Variants in DNAH5 observed in about 807,000 individuals in gnomAD.
DNAH5 encodes the protein axonemal beta dynein heavy chain 5.
Under a neutral mutation model 518.2 loss-of-function variants are expected in DNAH5, and 372 were observed. The ratio of observed to expected loss-of-function variants is 0.72; its 90% CI spans 0.66 to 0.78. DNAH5 has a LOEUF of 0.78. Among genes scored for constraint, DNAH5 ranks in the 30% least tolerant of loss-of-function variants. The probability of loss-of-function intolerance (pLI) is 0.00; values close to 1 mark genes in which losing one functional copy is unlikely to be tolerated. For missense variants in DNAH5, 5,523 were observed against 5,687.0 expected, an observed-to-expected ratio of 0.97 and a Z score of 0.93; for synonymous variants, 2,039 against 2,025.9, an observed-to-expected ratio of 1.01 and a Z score of -0.17.
At chr5:13,838,344 G>A (rs1441570537) in intron 35 of DNAH5, among the ~76,000 whole-genome samples, 1 of 152,176 alleles carries the variant, frequency 6.6e-6, no homozygotes, top group East Asian at 1.9e-4. Context: ...CACACAGCAG[G>A]AGGTGGGCGG....
At chr5:13,887,193 G>A (rs1033755074) in intron 17 of DNAH5, among the ~76,000 whole-genome samples, 1 of 152,118 alleles carries the variant, frequency 6.6e-6, no homozygotes, top group Non-Finnish European at 1.5e-5. Context: ...AGCTCTTTCA[G>A]TCCTCTCAGT....
In DNAH5 at chr5:13,859,585, G is replaced by A. The variant is rs775971265; in HGVS notation, c.4817C>T (p.Ala1606Val). 3.1e-6 allele frequency: 5 copies of A among 1,613,952 alleles called. No individual in the cohort carries two copies. The highest frequency in any genetic ancestry group is 1.1e-5 in the South Asian group (1 of 91,070). The change falls in exon 30 of 79, where the codon GCC becomes GTC. Residue 1606 changes from alanine to valine, a missense_variant. Transcript: ENST00000265104. The part of the protein sequence containing the change: ...LSNRYNMPFK[A>V]QIQKWVQYLS... Reference sequence around the variant, plus strand: ...GTACTGCACCCATTTTTGAATCTGGGCTTTGAATGGCATATTGTACCTAAA... The same window carrying A: ...GTACTGCACCCATTTTTGAATCTGGACTTTGAATGGCATATTGTACCTAAA...
In DNAH5 at chr5:13,902,053, C is replaced by G. The variant is rs397515541; in HGVS notation, c.1730G>C (p.Arg577Thr). The change falls in exon 13 of 79, where the codon AGA (arginine) becomes ACA (threonine). Residue 577 changes from arginine (R) to threonine (T), a missense_variant and splice_region_variant. Arg to Thr is a moderately conservative substitution (Grantham distance 71). This residue lies in a region of DNAH5 where 5,121 missense variants were observed against 5,223.3 expected (regional missense o/e 0.98). Coordinates refer to ENST00000265104, the MANE Select transcript of DNAH5 (RefSeq NM_001369.3). ...ATAGACAATTTCTTGAAAATTTTAC[C>G]TTTCAAATTTCTTCAACATTCTTAG... ...QALRMLKKFE[R>T]LNIPNLGIDD... The G allele has an allele frequency of 3.6e-5, 57 of 1,587,338 alleles. No homozygotes were observed. The highest frequency in any genetic ancestry group is 4.8e-5 in the Non-Finnish European group (56 of 1,160,972).
In DNAH5 at chr5:13,832,085, C is replaced by T. The variant is rs546896644; in HGVS notation, c.5883-1310G>A. Reference sequence around the variant, plus strand: ...CAATGAAATAATCTATATAACAAACCTCTATGACACAAGTTTACCTATGTA... The same window carrying T: ...CAATGAAATAATCTATATAACAAACTTCTATGACACAAGTTTACCTATGTA... On this transcript the variant is annotated intron_variant, in intron 35 of 78. Transcript: ENST00000265104. Among the ~76,000 whole-genome samples, 9 of 152,128 alleles carry T rather than the reference C, an allele frequency of 5.9e-5. No individual in the cohort carries two copies. In the East Asian group the frequency reaches 1.3e-3, roughly 23 times the overall value.
intron 12 of DNAH5, among the ~76,000 whole-genome samples, chr5:13,905,575 C>A (rs1184693439): frequency 6.6e-6 from 1 of 152,022 alleles, no homozygotes; most frequent in African/African-American, 2.4e-5. Context: ...CAGTATACCA[C>A]TACAAATATT....
rs568868249 is a variant in DNAH5, at chr5:13,822,559, T to C, written c.6687+704A>G. 1.3e-4 allele frequency among the ~76,000 whole-genome samples: 20 copies of C among 152,322 alleles called. No homozygotes were observed. The South Asian group carries it at 3.1e-3, about 24-fold the overall frequency. Reference sequence around the variant, plus strand: ...AGCCACCACACCTGGCCACATTTGATTTTTATTATAAATATTTTCAAGGAA... The same window carrying C: ...AGCCACCACACCTGGCCACATTTGACTTTTATTATAAATATTTTCAAGGAA... On this transcript the variant is annotated intron_variant, in intron 40 of 78. Coordinates refer to ENST00000265104, the MANE Select transcript of DNAH5 (RefSeq NM_001369.3).
chr5:13,734,579 G>A (rs1747085182), intron 68 of DNAH5, among the ~76,000 whole-genome samples: 1 of 152,092 alleles, frequency 6.6e-6, no homozygotes, highest in South Asian at 2.1e-4. Flanking sequence ...CATCACACCA[G>A]CCTCACTCCA....
upstream of DNAH5, among the ~76,000 whole-genome samples, chr5:13,946,847 G>A (rs1017040051): frequency 6.6e-5 from 10 of 152,244 alleles, no homozygotes; most frequent in Non-Finnish European, 1.0e-4. Flanking sequence ...ACAAAAGCTC[G>A]TGAGTGCCTT....
At chr5:13,840,784 T>TC in intron 34 of DNAH5, 122 bp downstream of exon 34, 1 of 783,948 alleles carries the variant, frequency 1.3e-6, no homozygotes, top group South Asian at 1.6e-5. Flanking sequence ...ATTACAAACA[T>TC]GATTCTTTGC....
chr5:13,990,347 T>C (rs1304378969), intron 1 of DNAH5, among the ~76,000 whole-genome samples: 2 of 147,024 alleles, frequency 1.4e-5, no homozygotes, highest in African/African-American at 5.1e-5. Flanking sequence ...GGTCAGGAGA[T>C]AGAGACCATC....
chr5:13,969,019 T>C (rs897342113), intron 1 of DNAH5, among the ~76,000 whole-genome samples: 1 of 152,194 alleles, frequency 6.6e-6, no homozygotes, highest in African/African-American at 2.4e-5. Flanking sequence ...TGTTCAGAAT[T>C]TCTATTTCTT....
intron 30 of DNAH5, among the ~76,000 whole-genome samples, chr5:13,854,403 C>A (rs969962941): frequency 6.6e-6 from 1 of 152,236 alleles, no homozygotes; most frequent in South Asian, 2.1e-4. Context: ...CAGAACCAGC[C>A]ACTGCAAAAA....
intron 1 of DNAH5, among the ~76,000 whole-genome samples, chr5:13,975,185 T>C (rs1030293235): frequency 6.6e-6 from 1 of 152,178 alleles, no homozygotes; most frequent in Non-Finnish European, 1.5e-5. Flanking sequence ...CTCACAATTA[T>C]GGCAGAAGGA....
chr5:13,992,825 C>T (rs374550606), intron 1 of DNAH5, among the ~76,000 whole-genome samples: 14 of 152,206 alleles, frequency 9.2e-5, no homozygotes, highest in African/African-American at 1.9e-4. Flanking sequence ...GTGTATATTT[C>T]CATACAGTTA....
intron 1 of DNAH5, among the ~76,000 whole-genome samples, chr5:13,973,773 A>G (rs1214356060): frequency 1.3e-5 from 2 of 152,194 alleles, no homozygotes; most frequent in East Asian, 3.8e-4. Flanking sequence ...AGAAGGTCAT[A>G]AACAGAAGGC....
At chr5:13,713,205 C>T (rs180943039) in intron 75 of DNAH5, among the ~76,000 whole-genome samples, 3 of 118,178 alleles carry the variant, frequency 2.5e-5, no homozygotes, top group African/African-American at 6.4e-5. Flanking sequence ...ATGTATATAC[C>T]GACATATATA....
At chr5:13,774,219 C>T (rs539668769) in intron 55 of DNAH5, among the ~76,000 whole-genome samples, 19 of 152,064 alleles carry the variant, frequency 1.2e-4, no homozygotes, top group Non-Finnish European at 2.6e-4. Context: ...GCAATGATAG[C>T]TTGGCCTAGG....
At chr5:14,003,492 A>C (rs996742545) in intron 1 of DNAH5, among the ~76,000 whole-genome samples, 3 of 152,224 alleles carry the variant, frequency 2.0e-5, no homozygotes, top group Non-Finnish European at 4.4e-5. Context: ...AAGAAGGCAA[A>C]TTAGTCCTTC....
In DNAH5 at chr5:13,714,767, C is replaced by T. The variant is rs893346205; in HGVS notation, c.12910-147G>A. The T allele has an allele frequency of 1.4e-5, 11 of 810,180 alleles. No individual in the cohort carries two copies. The African/African-American group carries it at 1.9e-4, about 14-fold the overall frequency. The allele number at this position is 810,180 out of a possible 1,614,324, so 50.2% of individuals were successfully genotyped here. A position where few individuals can be genotyped will look rare whatever the true frequency, so the allele number is the denominator to read the frequency against. ...CAAGCTACAAACTCAATAATTTCTC[C>T]AGAAAAGAATCAAATTTCCTTTAAA... On this transcript the variant is annotated intron_variant, in intron 74 of 78. Transcript: ENST00000265104.
Sources: allele counts gnomAD v4.1 joint callset (sites outside exome capture counted in the v4.1 genomes callset), GRCh38; gene constraint gnomAD v4.1.1; regional missense constraint gnomAD v4.1.1; transcripts MANE v1.5; gene names NCBI Gene and HGNC (gene_info 2026-07-23, HGNC 2026-07-21).